Variants in CLVS1 observed in about 807,000 individuals in gnomAD.
CLVS1 encodes clavesin-1.
In CLVS1, 10 loss-of-function variants were observed where a neutral mutation model predicts 33.1. The observed-to-expected ratio is 0.30, with a 90% confidence interval of 0.19 to 0.51. The LOEUF is 0.51. Ranked by LOEUF, CLVS1 falls within the 20% of genes least tolerant of loss-of-function variation. The pLI is 0.97. For missense variants in CLVS1, 343 were observed against 433.4 expected (o/e 0.79, Z 1.85); for synonymous variants, 163 against 166.1 (o/e 0.98, Z 0.14).
chr8:61,018,376 T>G, the CLVS1 span, among the ~76,000 whole-genome samples: 1 of 152,232 alleles, frequency 6.6e-6, no homozygotes, highest in Non-Finnish European at 1.5e-5. Flanking sequence ...AGTGCCTAAT[T>G]CTGCTTTGGG....
the CLVS1 span, among the ~76,000 whole-genome samples, chr8:60,988,038 T>C: frequency 3.3e-5 from 5 of 152,140 alleles, no homozygotes; most frequent in Non-Finnish European, 7.4e-5. Flanking sequence ...TTTGCAGGGC[T>C]GGTGAATGGC....
intron 2 of CLVS1, among the ~76,000 whole-genome samples, chr8:61,368,358 A>G (rs568024315): frequency 3.8e-4 from 58 of 152,380 alleles, no homozygotes; most frequent in African/African-American, 1.4e-3. Context: ...TAGGCCTGCC[A>G]GGAGTGGTCT....
intron 5 of CLVS1, among the ~76,000 whole-genome samples, chr8:61,495,502 A>G (rs1341305116): frequency 6.6e-6 from 1 of 152,216 alleles, no homozygotes; most frequent in Non-Finnish European, 1.5e-5. Flanking sequence ...AAGTTTTGAA[A>G]CAGATCCAAG....
chr8:61,453,992 G>T (rs1817058113), intron 3 of CLVS1, 149 bp from the exon 4 acceptor site: 1 of 683,452 alleles, frequency 1.5e-6, no homozygotes, highest in Non-Finnish European at 2.7e-6. Flanking sequence ...CAATTAGGAA[G>T]TGAGTGTGTT....
chr8:61,477,549 T>G (rs1563571052), intron 5 of CLVS1, among the ~76,000 whole-genome samples: 5 of 152,240 alleles, frequency 3.3e-5, no homozygotes, highest in African/African-American at 9.6e-5. Flanking sequence ...GTCCAGAAAT[T>G]TATCCATTTC....
intron 2 of CLVS1, among the ~76,000 whole-genome samples, chr8:61,234,033 CTT>C (rs1808500732): frequency 6.6e-6 from 1 of 152,186 alleles, no homozygotes; most frequent in African/African-American, 2.4e-5. Context: ...AAGTGATACT[CTT>C]TTCTTCTTTC....
chr8:61,362,611 A>G (rs1813035292), intron 2 of CLVS1, among the ~76,000 whole-genome samples: 1 of 152,216 alleles, frequency 6.6e-6, no homozygotes, highest in Non-Finnish European at 1.5e-5. Flanking sequence ...GTATTCTCTA[A>G]ATATTCTGAA....
At chr8:61,098,756 A>C (rs1047755901) in intron 1 of CLVS1, among the ~76,000 whole-genome samples, 1 of 152,148 alleles carries the variant, frequency 6.6e-6, no homozygotes, top group Non-Finnish European at 1.5e-5. Context: ...ATCCACCCCC[A>C]GTCTGCCTCT....
chr8:61,000,453 C>T, the CLVS1 span, among the ~76,000 whole-genome samples: 1 of 152,228 alleles, frequency 6.6e-6, no homozygotes, highest in Middle Eastern at 3.4e-3. Flanking sequence ...CAAGATGTTG[C>T]TGCTGACGGG....
intron 2 of CLVS1, among the ~76,000 whole-genome samples, chr8:61,361,254 C>G (rs1812967072): frequency 6.6e-6 from 1 of 152,128 alleles, no homozygotes; most frequent in African/African-American, 2.4e-5. Flanking sequence ...GGTGGGGACA[C>G]AGATCCAAAT....
chr8:61,026,505 G>A, the CLVS1 span, among the ~76,000 whole-genome samples: 1 of 152,208 alleles, frequency 6.6e-6, no homozygotes, highest in East Asian at 1.9e-4. Context: ...TTATTTAGAA[G>A]AGCCTGCAGG....
At chr8:61,063,298 A>AGT (rs1804618481) in intron 1 of CLVS1, among the ~76,000 whole-genome samples, 1 of 141,600 alleles carries the variant, frequency 7.1e-6, no homozygotes, top group Non-Finnish European at 1.5e-5. Context: ...AGAGAGATAG[A>AGT]GAGAGAGAGA....
At chr8:61,200,501 G>A (rs190521643) in intron 2 of CLVS1, among the ~76,000 whole-genome samples, 5 of 152,256 alleles carry the variant, frequency 3.3e-5, no homozygotes, top group South Asian at 2.1e-4. Context: ...GTTTTCTATT[G>A]GTGAATACTT....
At chr8:61,248,373 T>G (rs1808861436) in intron 2 of CLVS1, among the ~76,000 whole-genome samples, 1 of 152,180 alleles carries the variant, frequency 6.6e-6, no homozygotes, top group South Asian at 2.1e-4. Context: ...TAAATTGCCT[T>G]TGGACAATAT....
intron 3 of CLVS1, among the ~76,000 whole-genome samples, chr8:61,403,462 A>G (rs1220438377): frequency 6.6e-6 from 1 of 152,206 alleles, no homozygotes; most frequent in Non-Finnish European, 1.5e-5. Flanking sequence ...ACCAGTTAGG[A>G]AACCATTGCA....
chr8:61,261,818 G>A (rs986675053), intron 2 of CLVS1, among the ~76,000 whole-genome samples: 1 of 152,146 alleles, frequency 6.6e-6, no homozygotes, highest in Non-Finnish European at 1.5e-5. Context: ...TTGTTGATAA[G>A]CCACTGAGTC....
At chr8:61,344,223 T>G (rs1812122001) in intron 2 of CLVS1, among the ~76,000 whole-genome samples, 1 of 152,184 alleles carries the variant, frequency 6.6e-6, no homozygotes, top group African/African-American at 2.4e-5. Context: ...AAATCAGAGC[T>G]AATAAATTCA....
the CLVS1 span, among the ~76,000 whole-genome samples, chr8:61,030,758 G>A: frequency 6.6e-6 from 1 of 152,160 alleles, no homozygotes; most frequent in Non-Finnish European, 1.5e-5. Flanking sequence ...TGCCTAAAAG[G>A]ATGACTTTTT....
chr8:61,280,581 A>C (rs1307599179), intron 2 of CLVS1, among the ~76,000 whole-genome samples: 1 of 152,254 alleles, frequency 6.6e-6, no homozygotes, highest in East Asian at 1.9e-4. Flanking sequence ...AAAATAATTA[A>C]AATAGTAAGA....
Sources: allele counts gnomAD v4.1 joint callset (sites outside exome capture counted in the v4.1 genomes callset), GRCh38; gene constraint gnomAD v4.1.1; transcripts MANE v1.5; gene names NCBI Gene and HGNC (gene_info 2026-07-23, HGNC 2026-07-21).